ZNF710: variants seen among roughly 807,000 people sequenced by gnomAD.
ZNF710 encodes the protein zinc finger protein 710.
A neutral mutation model predicts 50.6 loss-of-function variants in ZNF710; 13 were observed. The observed-to-expected ratio is 0.26, with a 90% CI of 0.17 to 0.41. The LOEUF (loss-of-function observed/expected upper bound fraction) is 0.41, where lower values mean the gene tolerates loss of function less well. Among genes scored for constraint, ZNF710 ranks in the 10% least tolerant of loss-of-function variants. The pLI, the probability that ZNF710 is intolerant of heterozygous loss-of-function variation, is 1.00. For synonymous variants in ZNF710, 383 were observed against 397.0 expected (o/e 0.96, Z 0.42); for missense variants, 721 against 936.6 (o/e 0.77, Z 3.01).
In ZNF710 at chr15:90,059,972, A is replaced by G. The variant is rs1021639493; in HGVS notation, c.-28-7138A>G. ...CCAGGGCCCTGGACTCCAAGGGGCA[A>G]AAGGCCCAGAGCCACATCCTGGAGG... On this transcript the variant is annotated intron_variant, in intron 1 of 4. Transcript: ENST00000268154. This position sits in a 1 kb window ranked among gnomAD's most constrained non-coding sequence, Gnocchi z 4.1. Among the ~76,000 whole-genome samples the G allele has an allele frequency of 1.3e-5, 2 of 152,184 alleles. No homozygotes were observed. The highest frequency in any genetic ancestry group is 6.5e-5 in the Admixed American group (1 of 15,274).
chr15:90,036,372 GAC>G (rs1293733482), intron 1 of ZNF710, among the ~76,000 whole-genome samples: 1 of 152,014 alleles, frequency 6.6e-6, no homozygotes, highest in Non-Finnish European at 1.5e-5. Context: ...TCCTTTGAAT[GAC>G]ACCAGGCGAG....
intron 1 of ZNF710, among the ~76,000 whole-genome samples, chr15:90,054,740 G>A (rs950384962): frequency 7.2e-5 from 11 of 152,186 alleles, no homozygotes; most frequent in African/African-American, 2.4e-4. Context: ...CCCGTTACAC[G>A]AAGCTGGTGA....
rs554878004 is a variant in ZNF710, at chr15:90,073,196, T to C, written c.1584T>C (p.Phe528=). The C allele has an allele frequency of 1.2e-6, 2 of 1,614,188 alleles. No individual in the cohort carries two copies. The highest frequency in any genetic ancestry group is 1.7e-5 in the Admixed American group (1 of 60,030). Residue 528 remains phenylalanine, a synonymous_variant, in exon 3 of 5, where the codon TTT becomes TTC. Transcript: ENST00000268154. ...AGTGCCACATCTGCTTCAAGACCTTTGTACAGAAGCAGACTCTCAAGACCC... is the reference window on the plus strand; with the variant it reads ...AGTGCCACATCTGCTTCAAGACCTTCGTACAGAAGCAGACTCTCAAGACCC... ...PYQCHICFKT[F]VQKQTLKTHM... is the part of the protein sequence containing the mutation.
intron 1 of ZNF710, among the ~76,000 whole-genome samples, chr15:90,013,322 C>T (rs1446864903): frequency 1.3e-5 from 2 of 152,146 alleles, no homozygotes; most frequent in South Asian, 2.1e-4. Flanking sequence ...AGGCTGGTCT[C>T]GGACTTCTGA....
intron 1 of ZNF710, among the ~76,000 whole-genome samples, chr15:90,033,242 G>T (rs1438819398): frequency 2.0e-5 from 3 of 152,210 alleles, no homozygotes; most frequent in Non-Finnish European, 4.4e-5. Flanking sequence ...CACGTGGCAG[G>T]ACTCAGGACT....
intron 1 of ZNF710, among the ~76,000 whole-genome samples, chr15:90,035,809 A>G (rs1899105703): frequency 6.6e-6 from 1 of 152,268 alleles, no homozygotes; most frequent in African/African-American, 2.4e-5. Context: ...TTTCAGGACC[A>G]GGTGTAAAAT....
At chr15:90,042,280 G>A (rs1234507485) in intron 1 of ZNF710, among the ~76,000 whole-genome samples, 1 of 151,992 alleles carries the variant, frequency 6.6e-6, no homozygotes, top group Non-Finnish European at 1.5e-5. Flanking sequence ...GCCTGTTCCA[G>A]CGAAATAACA....
At chr15:90,073,655 G>A (rs929272804) in intron 3 of ZNF710, among the ~76,000 whole-genome samples, 1 of 152,122 alleles carries the variant, frequency 6.6e-6, no homozygotes, top group African/African-American at 2.4e-5. Context: ...GGGTGTCTGG[G>A]GTCACATGGA....
chr15:90,018,254 C>T (rs878981141), intron 1 of ZNF710, among the ~76,000 whole-genome samples: 13 of 151,678 alleles, frequency 8.6e-5, no homozygotes, highest in Admixed American at 2.6e-4. Context: ...CTGCAACCTC[C>T]GCCTCCCGGA....
intron 2 of ZNF710, among the ~76,000 whole-genome samples, chr15:90,072,521 G>A (rs1168499844): frequency 6.6e-6 from 1 of 152,134 alleles, no homozygotes; most frequent in African/African-American, 2.4e-5. Flanking sequence ...TTTTGGGGGG[G>A]TGTCCATAGC....
intron 1 of ZNF710, among the ~76,000 whole-genome samples, chr15:90,027,207 T>C (rs1159742826): frequency 3.9e-5 from 6 of 152,128 alleles, no homozygotes; most frequent in Non-Finnish European, 8.8e-5. Flanking sequence ...TAACTTCTTT[T>C]TCTTCTTCTG....
chr15:90,033,615 C>T (rs913080011), intron 1 of ZNF710, among the ~76,000 whole-genome samples: 3 of 152,138 alleles, frequency 2.0e-5, no homozygotes, highest in African/African-American at 7.2e-5. Context: ...TGTCTGTTCA[C>T]AGGCATGATC....
chr15:90,068,296 G>T lies in ZNF710; in HGVS notation c.1159G>T (p.Gly387Cys). ...CTACAGCTGCCACTTCTGCGGCCGC[G>T]GCTTCGCCTACCCCAGCGAGCTCAA... ...KPYSCHFCGR[G>C]FAYPSELKAH... Residue 387 changes from glycine (G) to cysteine (C), a missense_variant, in exon 2 of 5, where the codon GGC (glycine) becomes TGC (cysteine). Coordinates refer to ENST00000268154, the MANE Select transcript of ZNF710 (RefSeq NM_198526.4). The surrounding 1 kb of genome is among the most constrained non-coding windows in gnomAD (Gnocchi z 5.0). 6.2e-7 allele frequency: 1 copy of T among 1,613,004 alleles called. No homozygotes were observed.
chr15:90,020,180 C>T (rs1898572587), intron 1 of ZNF710, among the ~76,000 whole-genome samples: 1 of 152,232 alleles, frequency 6.6e-6, no homozygotes, highest in Admixed American at 6.5e-5. Flanking sequence ...CCGGCTCTTC[C>T]TCCTTTTCCG....
chr15:90,057,417 C>G (rs375332206), intron 1 of ZNF710, among the ~76,000 whole-genome samples: 1 of 151,962 alleles, frequency 6.6e-6, no homozygotes, highest in Non-Finnish European at 1.5e-5. Context: ...ACTTCGAGGC[C>G]GGGCACGGTG....
chr15:90,065,182 T>C (rs1900126584), intron 1 of ZNF710, among the ~76,000 whole-genome samples: 1 of 152,182 alleles, frequency 6.6e-6, no homozygotes, highest in African/African-American at 2.4e-5. Flanking sequence ...AATTCCTGTC[T>C]GGGGTATTTT....
Position 90,040,676 on chromosome 15 carries a change from A to G in ZNF710, c.-28-26434A>G, listed in dbSNP as rs915481048. On this transcript the variant is annotated intron_variant, in intron 1 of 4. Coordinates refer to ENST00000268154, the MANE Select transcript of ZNF710 (RefSeq NM_198526.4). The surrounding 1 kb of genome is among the most constrained non-coding windows in gnomAD (Gnocchi z 4.6). ...CATCAAACAATACTGATGGGCTTCT[A>G]GTGCTAAAGCAGCAGGCCCCGCCCC... Among the ~76,000 whole-genome samples the G allele has an allele frequency of 7.9e-5, 12 of 152,148 alleles. No individual in the cohort carries two copies. Among genetic ancestry groups the G allele is most frequent in the African/African-American group, 2.7e-4 (11 of 41,420 alleles).
At chr15:90,031,474 C>A (rs1049364189) in intron 1 of ZNF710, among the ~76,000 whole-genome samples, 1 of 152,186 alleles carries the variant, frequency 6.6e-6, no homozygotes, top group South Asian at 2.1e-4. Flanking sequence ...TGTCCTGTCT[C>A]CTTTGAGGAA....
At chr15:90,048,222 G>A (rs1899529393) in intron 1 of ZNF710, among the ~76,000 whole-genome samples, 1 of 152,242 alleles carries the variant, frequency 6.6e-6, no homozygotes, top group African/African-American at 2.4e-5. Context: ...TCATGCCTGG[G>A]AAAGCTTTGT....
Sources: allele counts gnomAD v4.1 joint callset (sites outside exome capture counted in the v4.1 genomes callset), GRCh38; gene constraint gnomAD v4.1.1; non-coding constraint Gnocchi (gnomAD v3.1); transcripts MANE v1.5; gene names NCBI Gene and HGNC (gene_info 2026-07-23, HGNC 2026-07-21).